The following STPG2 variants were observed in gnomAD, a reference collection of about 807,000 sequenced individuals.
The protein encoded by STPG2 is sperm tail PG-rich repeat containing 2.
STPG2 carries 56 observed loss-of-function variants against 54.2 expected under a neutral mutation model. That is an observed-to-expected ratio of 1.03 (90% CI 0.83 to 1.29). The LOEUF (loss-of-function observed/expected upper bound fraction) is 1.29, where lower values mean the gene tolerates loss of function less well. Among genes scored for constraint, STPG2 ranks in the 50% most tolerant of loss-of-function variants. The pLI, the probability that STPG2 is intolerant of heterozygous loss-of-function variation, is 0.00. For missense variants in STPG2, 596 were observed against 544.9 expected (o/e 1.09, Z -0.93); for synonymous variants, 200 against 181.8 (o/e 1.10, Z -0.81).
chr4:97,598,123 C>T (rs28821606), intron 10 of STPG2, among the ~76,000 whole-genome samples: 73,684 of 151,882 alleles, frequency 0.49, 19,862 homozygotes, highest in South Asian at 0.65. Flanking sequence ...ATCAATAATG[C>T]AATCCCATTC....
At chr4:97,847,736 T>C (rs981694885) in intron 8 of STPG2, among the ~76,000 whole-genome samples, 8 of 152,204 alleles carry the variant, frequency 5.3e-5, no homozygotes, top group African/African-American at 1.9e-4. Context: ...TATCTTCCCT[T>C]ACCTGCAACT....
chr4:97,957,383 A>G (rs1733721199), intron 7 of STPG2, among the ~76,000 whole-genome samples: 1 of 151,604 alleles, frequency 6.6e-6, no homozygotes, highest in South Asian at 2.1e-4. Flanking sequence ...AAGACAAAGA[A>G]AAAAAATAAG....
chr4:97,696,113 C>T (rs1322560938), intron 10 of STPG2, among the ~76,000 whole-genome samples: 2 of 152,150 alleles, frequency 1.3e-5, no homozygotes, highest in Non-Finnish European at 1.5e-5. Context: ...CAACTTCAAA[C>T]TATACTATAA....
chr4:97,455,907 A>G (rs1385599426), intron 4 of STPG2, among the ~76,000 whole-genome samples: 1 of 152,150 alleles, frequency 6.6e-6, no homozygotes. Flanking sequence ...CAGAGGTTTG[A>G]GCAGTGGGGC....
chr4:97,800,280 T>C (rs1727343120), intron 9 of STPG2, among the ~76,000 whole-genome samples: 2 of 152,236 alleles, frequency 1.3e-5, no homozygotes, highest in Admixed American at 1.3e-4. Context: ...ATTTTCAGTT[T>C]CTCTGCTCTG....
intron 9 of STPG2, among the ~76,000 whole-genome samples, chr4:97,736,399 G>A (rs927570429): frequency 1.3e-5 from 2 of 152,154 alleles, no homozygotes; most frequent in African/African-American, 2.4e-5. Context: ...GTCGAAGCAG[G>A]GCGAGGCATT....
At chr4:97,960,532 A>T (rs1733845091) in intron 7 of STPG2, among the ~76,000 whole-genome samples, 1 of 152,196 alleles carries the variant, frequency 6.6e-6, no homozygotes, top group South Asian at 2.1e-4. Context: ...TACACAAATC[A>T]GTAGCTCTTC....
At chr4:97,857,723 CAG>C (rs1192138362) in intron 8 of STPG2, among the ~76,000 whole-genome samples, 1 of 151,862 alleles carries the variant, frequency 6.6e-6, no homozygotes, top group Non-Finnish European at 1.5e-5. Context: ...CCCGGAAAAA[CAG>C]AGATATATGA....
At chr4:97,941,098 C>T (rs1732962775) in intron 8 of STPG2, among the ~76,000 whole-genome samples, 1 of 151,902 alleles carries the variant, frequency 6.6e-6, no homozygotes, top group African/African-American at 2.4e-5. Flanking sequence ...AATCATTTCC[C>T]CTGAGAAATT....
At chr4:97,879,611 C>A (rs189122726) in intron 8 of STPG2, among the ~76,000 whole-genome samples, 1 of 152,194 alleles carries the variant, frequency 6.6e-6, no homozygotes, top group African/African-American at 2.4e-5. Flanking sequence ...CTTACCAGGT[C>A]CCCCCTGCAA....
At chr4:97,801,281 G>A (rs111537464) in intron 9 of STPG2, among the ~76,000 whole-genome samples, 1 of 152,216 alleles carries the variant, frequency 6.6e-6, no homozygotes, top group African/African-American at 2.4e-5. Context: ...GCTCACGCTG[G>A]GAGCTGTAGA....
At chr4:97,613,085 A>G (rs1229753110) in intron 10 of STPG2, among the ~76,000 whole-genome samples, 5 of 152,102 alleles carry the variant, frequency 3.3e-5, no homozygotes. Flanking sequence ...TACCAAAACT[A>G]AAAAGTTAAC....
chr4:97,776,603 A>C (rs529088114), intron 9 of STPG2, among the ~76,000 whole-genome samples: 2 of 152,324 alleles, frequency 1.3e-5, no homozygotes, highest in South Asian at 2.1e-4. Context: ...ATTTGATGAG[A>C]TCTGTCTAGT....
chr4:98,018,167 C>G (rs563617856), intron 5 of STPG2, among the ~76,000 whole-genome samples: 11 of 152,010 alleles, frequency 7.2e-5, no homozygotes, highest in Admixed American at 3.9e-4. Flanking sequence ...ATCCCTCCCC[C>G]CATCCCCACC....
chr4:97,510,760 A>C (rs1451379009), intron 4 of STPG2, among the ~76,000 whole-genome samples: 1 of 152,164 alleles, frequency 6.6e-6, no homozygotes, highest in African/African-American at 2.4e-5. Flanking sequence ...AATCTTAAGT[A>C]TAAACACTAA....
At chr4:97,904,798 T>A (rs1477111169) in intron 8 of STPG2, among the ~76,000 whole-genome samples, 1 of 152,124 alleles carries the variant, frequency 6.6e-6, no homozygotes. Flanking sequence ...GCTTGAGAAC[T>A]ACGTGAAGAA....
chr4:97,956,400 T>C (rs766398723), intron 7 of STPG2, among the ~76,000 whole-genome samples: 2 of 152,092 alleles, frequency 1.3e-5, no homozygotes, highest in African/African-American at 2.4e-5. Context: ...AAGTGGATAA[T>C]GGGAATCATG....
chr4:97,912,816 T>C (rs1317838311), intron 8 of STPG2, among the ~76,000 whole-genome samples: 2 of 152,218 alleles, frequency 1.3e-5, no homozygotes, highest in African/African-American at 2.4e-5. Context: ...TGTAAAGTTC[T>C]CTAGATGATT....
intron 7 of STPG2, among the ~76,000 whole-genome samples, chr4:97,968,522 A>G (rs576022823): frequency 4.1e-4 from 63 of 152,332 alleles, no homozygotes; most frequent in Non-Finnish European, 6.6e-4. Context: ...ATGAACATCA[A>G]TGTAAAAATC....
Sources: gnomAD v4.1 joint callset for allele counts (sites outside exome capture counted in the v4.1 genomes callset) on GRCh38, gnomAD v4.1.1 for gene constraint, MANE v1.5 for transcripts, NCBI Gene and HGNC (gene_info 2026-07-23, HGNC 2026-07-21) for gene names.